The following DLG2 variants were observed in gnomAD, a reference collection of about 807,000 sequenced individuals.
The protein encoded by DLG2 is discs large MAGUK scaffold protein 2.
A neutral mutation model predicts 132.5 loss-of-function variants in DLG2; 45 were observed. The observed-to-expected ratio is 0.34, with a 90% CI of 0.27 to 0.44. The LOEUF is 0.44. Ranked by LOEUF, DLG2 falls within the 20% of genes least tolerant of loss-of-function variation. DLG2 has a pLI of 1.00. For synonymous variants in DLG2, 424 were observed against 419.6 expected, an observed-to-expected ratio of 1.01 and a Z score of -0.13; for missense variants, 1,045 against 1,196.9, an observed-to-expected ratio of 0.87 and a Z score of 1.87.
chr11:84,945,508 C>A (rs1566473353), intron 6 of DLG2, among the ~76,000 whole-genome samples: 1 of 152,194 alleles, frequency 6.6e-6, no homozygotes. Flanking sequence ...CTGGATCAGA[C>A]CTGAAGCCAG....
intron 7 of DLG2, among the ~76,000 whole-genome samples, chr11:84,342,216 A>G (rs1567343336): frequency 6.6e-6 from 1 of 152,166 alleles, no homozygotes; most frequent in Non-Finnish European, 1.5e-5. Flanking sequence ...GAGTATCACT[A>G]ACAATCAGAC....
chr11:84,637,877 A>C (rs1796004399), intron 6 of DLG2, among the ~76,000 whole-genome samples: 1 of 152,156 alleles, frequency 6.6e-6, no homozygotes, highest in African/African-American at 2.4e-5. Context: ...TTCTAGCAGA[A>C]CTCTTAAGTT....
chr11:84,450,029 A>T (rs533947356), intron 7 of DLG2, among the ~76,000 whole-genome samples: 17 of 152,032 alleles, frequency 1.1e-4, no homozygotes, highest in Non-Finnish European at 2.1e-4. Flanking sequence ...ACTCTCAACT[A>T]ATTTAATCCT....
Position 85,115,404 on chromosome 11 carries a change from A to C in DLG2, c.283-3669T>G, listed in dbSNP as rs1453594957. On this transcript the variant is annotated intron_variant, in intron 5 of 27. Coordinates refer to ENST00000376104, the MANE Select transcript of DLG2 (RefSeq NM_001142699.3). ...AGTGCCAGCTATTGCATTAGGAATAAGGATATATCAAGAGTCAGTATCTGC... is the reference window on the plus strand; with the variant it reads ...AGTGCCAGCTATTGCATTAGGAATACGGATATATCAAGAGTCAGTATCTGC... Among the ~76,000 whole-genome samples, 6 of 151,980 alleles carry C rather than the reference A, an allele frequency of 3.9e-5. No individual in the cohort carries two copies. The East Asian group carries it at 1.2e-3, about 29-fold the overall frequency.
intron 17 of DLG2, among the ~76,000 whole-genome samples, chr11:83,797,206 A>G (rs2043039039): frequency 6.6e-6 from 1 of 150,858 alleles, no homozygotes; most frequent in African/African-American, 2.5e-5. Context: ...TGTGAGAAAG[A>G]AGTGATGAAG....
At chr11:84,991,177 C>T (rs1384897012) in intron 6 of DLG2, among the ~76,000 whole-genome samples, 2 of 151,924 alleles carry the variant, frequency 1.3e-5, no homozygotes, top group Non-Finnish European at 2.9e-5. Context: ...GGGATTCGAT[C>T]GGTGGTTGCC....
chr11:85,496,652 G>A (rs529923052), intron 3 of DLG2, among the ~76,000 whole-genome samples: 1 of 152,246 alleles, frequency 6.6e-6, no homozygotes, highest in East Asian at 1.9e-4. Flanking sequence ...GCCTGACTGG[G>A]AGACACCTCC....
At chr11:83,535,017 C>T (rs1364605340) in intron 20 of DLG2, among the ~76,000 whole-genome samples, 2 of 152,200 alleles carry the variant, frequency 1.3e-5, no homozygotes, top group East Asian at 1.9e-4. Context: ...TCTACTTGCA[C>T]CAGGCATACA....
At chr11:85,501,547 T>C (rs1327400122) in intron 3 of DLG2, among the ~76,000 whole-genome samples, 1 of 152,098 alleles carries the variant, frequency 6.6e-6, no homozygotes, top group Non-Finnish European at 1.5e-5. Context: ...ACCCAGAATC[T>C]ACAAAGAACT....
intron 6 of DLG2, among the ~76,000 whole-genome samples, chr11:84,556,915 C>T (rs374708783): frequency 1.3e-4 from 20 of 152,066 alleles, no homozygotes; most frequent in Non-Finnish European, 2.2e-4. Context: ...AATAATGTAA[C>T]AAACTTCCTC....
At chr11:83,475,044 A>G (rs2092473412) in intron 22 of DLG2, among the ~76,000 whole-genome samples, 1 of 152,138 alleles carries the variant, frequency 6.6e-6, no homozygotes. Context: ...GTTCTGGTTC[A>G]GAGCAGTAGT....
intron 7 of DLG2, among the ~76,000 whole-genome samples, chr11:84,429,827 G>A (rs2098978589): frequency 6.6e-6 from 1 of 152,052 alleles, no homozygotes; most frequent in Non-Finnish European, 1.5e-5. Context: ...AACAATATCA[G>A]GTAGAGGAAT....
intron 7 of DLG2, among the ~76,000 whole-genome samples, chr11:84,532,466 G>A (rs771969541): frequency 6.6e-6 from 1 of 152,088 alleles, no homozygotes; most frequent in Non-Finnish European, 1.5e-5. Context: ...GGTTGGGAAG[G>A]GAGAAAGGTG....
rs537365239 is a variant in DLG2, at chr11:85,451,747, G to A, written c.40+146910C>T. Among the ~76,000 whole-genome samples the A allele has an allele frequency of 5.5e-4, 83 of 152,178 alleles. 1 individual carries two copies. The highest frequency in any genetic ancestry group is 9.7e-4 in the Non-Finnish European group (66 of 68,004). ...CATTCTTTTAATGCAACAGGGTCTC[G>A]CTGTGTTGCCAAGGCTGGTCTTGAA... On this transcript the variant is annotated intron_variant, in intron 3 of 27. Transcript: ENST00000376104.
At position 84,596,696 on chromosome 11, in the gene DLG2, G is replaced by A. The variant is rs150559746; in HGVS notation, c.358-61965C>T. 1.4e-3 allele frequency among the ~76,000 whole-genome samples: 220 copies of A among 152,226 alleles called. 4 individuals carry two copies. The highest frequency in any genetic ancestry group is 9.9e-3 in the Admixed American group (151 of 15,280). ...CTGGCAGAAGCTAAGAGACCATCAT[G>A]CGTTTGCCACAGGAAGCATATGGGT... On this transcript the variant is annotated intron_variant, in intron 6 of 27. Transcript: ENST00000376104.
intron 18 of DLG2, among the ~76,000 whole-genome samples, chr11:83,676,407 G>A (rs1209624330): frequency 6.6e-6 from 1 of 152,182 alleles, no homozygotes; most frequent in Non-Finnish European, 1.5e-5. Context: ...GTACTTTTAA[G>A]TTATAATCAC....
chr11:83,890,963 G>A (rs1362310570), intron 15 of DLG2, among the ~76,000 whole-genome samples: 1 of 152,016 alleles, frequency 6.6e-6, no homozygotes, highest in Admixed American at 6.6e-5. Flanking sequence ...TACTGAGAAA[G>A]GAATATAAGA....
chr11:85,031,381 C>A (rs567488355), intron 6 of DLG2, among the ~76,000 whole-genome samples: 1 of 125,012 alleles, frequency 8.0e-6, no homozygotes, highest in African/African-American at 2.5e-5. Flanking sequence ...ATTTGAGAGC[C>A]TATCTTTTTA....
At chr11:83,567,066 A>G (rs1049012113) in intron 19 of DLG2, among the ~76,000 whole-genome samples, 2 of 152,148 alleles carry the variant, frequency 1.3e-5, no homozygotes, top group African/African-American at 4.8e-5. Context: ...GTTGAAAATC[A>G]TCACCTCCTA....
Sources: allele counts gnomAD v4.1 joint callset (sites outside exome capture counted in the v4.1 genomes callset), GRCh38; gene constraint gnomAD v4.1.1; transcripts MANE v1.5; gene names NCBI Gene and HGNC (gene_info 2026-07-23, HGNC 2026-07-21).